CLK1: variants seen among roughly 807,000 people sequenced by gnomAD.
CLK1 encodes the protein CDC like kinase 1, also known as dual specificity protein kinase CLK1.
Under a neutral mutation model 60.9 loss-of-function variants are expected in CLK1, and 40 were observed. That is an observed-to-expected ratio of 0.66 (90% CI 0.51 to 0.86). The LOEUF is 0.86. Ranked by LOEUF, CLK1 falls within the 40% of genes least tolerant of loss-of-function variation. The pLI, the probability that CLK1 is intolerant of heterozygous loss-of-function variation, is 0.00. For synonymous variants in CLK1, 203 were observed against 184.4 expected (o/e 1.10, Z -0.82); for missense variants, 563 against 606.1 (o/e 0.93, Z 0.75).
At chr2:200,860,018 AAAAC>A in intron 4 of CLK1, 103 bp downstream of exon 4, 2 of 1,494,226 alleles carry the variant, frequency 1.3e-6, no homozygotes, top group Non-Finnish European at 1.8e-6. Context: ...AAATAAAACA[AAAAC>A]AAAAAAGAGA....
At chr2:200,862,923 T>G (rs1344096998) in intron 1 of CLK1, among the ~76,000 whole-genome samples, 2 of 151,520 alleles carry the variant, frequency 1.3e-5, no homozygotes, top group Non-Finnish European at 3.0e-5. Flanking sequence ...ACACCATCTT[T>G]CCAGTACCAC....
chr2:200,858,621 C>T (rs1234277977), intron 5 of CLK1, among the ~76,000 whole-genome samples: 1 of 151,978 alleles, frequency 6.6e-6, no homozygotes, highest in African/African-American at 2.4e-5. Context: ...TACTTGAACT[C>T]GGAAGGTGGA....
intron 9 of CLK1, among the ~76,000 whole-genome samples, chr2:200,856,232 A>C (rs538115656): frequency 6.6e-6 from 1 of 151,804 alleles, no homozygotes; most frequent in South Asian, 2.1e-4. Flanking sequence ...CACCACACCC[A>C]GCTAATTTTT....
intron 5 of CLK1, among the ~76,000 whole-genome samples, chr2:200,859,391 T>C (rs11903236): frequency 0.1 from 15,569 of 151,774 alleles, 897 homozygotes; most frequent in African/African-American, 0.14. Context: ...ACTAATATGG[T>C]GGGGGAAAAA....
Position 200,861,223 on chromosome 2 carries a change from TA to T in CLK1, c.390+14del, listed in dbSNP as rs773726404. On this transcript the variant is annotated intron_variant, in intron 3 of 12. Coordinates refer to ENST00000321356, the MANE Select transcript of CLK1 (RefSeq NM_004071.4). ...GGGATATAAAATTTCCAAAATGTTTTAAAAACGTTCATACCCCATGTGAACG... is the reference window on the plus strand; with the variant it reads ...GGGATATAAAATTTCCAAAATGTTTTAAAACGTTCATACCCCATGTGAACG... 2 of 1,605,888 alleles carry T rather than the reference TA, an allele frequency of 1.2e-6. No individual in the cohort carries two copies. The highest frequency in any genetic ancestry group is 1.7e-6 in the Non-Finnish European group (2 of 1,175,424).
chr2:200,858,106 T>C lies in CLK1; in HGVS notation c.549-17A>G. On this transcript the variant is annotated splice_polypyrimidine_tract_variant and intron_variant, in intron 5 of 12. Coordinates refer to ENST00000321356, the MANE Select transcript of CLK1 (RefSeq NM_004071.4). ...CTACCTCCCCTGTTAGAAAGATGCA[T>C]GCAAATTTAAGAATGACAGACATGA... 2 of 1,506,760 alleles carry C rather than the reference T, an allele frequency of 1.3e-6. No individual in the cohort carries two copies. The highest frequency in any genetic ancestry group is 2.3e-5 in the East Asian group (1 of 44,344). 93.3% of individuals were successfully genotyped at this position (1,506,760 alleles called of 1,614,324 possible). A position where few individuals can be genotyped will look rare whatever the true frequency, so the allele number is the denominator to read the frequency against.
chr2:200,864,092 T>C, intron 1 of CLK1: 1 of 1,547,468 alleles, frequency 6.5e-7, no homozygotes, highest in South Asian at 1.2e-5. Context: ...CGTCTCTTTC[T>C]CCACTTACTC....
chr2:200,860,000 A>G (rs2039109115), intron 4 of CLK1, 125 bp downstream of exon 4: 1 of 1,463,330 alleles, frequency 6.8e-7, no homozygotes. Flanking sequence ...CCACCAAAAG[A>G]AATGGAAAAA....
chr2:200,859,301 C>G (rs1428936142), intron 5 of CLK1, among the ~76,000 whole-genome samples: 2 of 152,118 alleles, frequency 1.3e-5, no homozygotes, highest in Non-Finnish European at 2.9e-5. Context: ...AATATAGATT[C>G]CTAGGTAACT....
intron 2 of CLK1, 24 bp from the exon 3 acceptor site, chr2:200,861,490 A>C: frequency 6.2e-7 from 1 of 1,609,534 alleles, no homozygotes; most frequent in Non-Finnish European, 8.5e-7. Context: ...AATTATTTTC[A>C]ATGTTTTATG....
intron 5 of CLK1, among the ~76,000 whole-genome samples, chr2:200,859,287 T>TA (rs1341274252): frequency 6.6e-6 from 1 of 152,110 alleles, no homozygotes; most frequent in Non-Finnish European, 1.5e-5. Context: ...CAGCACTTCC[T>TA]AAAAATATAG....
At position 200,857,997 on chromosome 2, in the gene CLK1, T is replaced by C. The variant is rs756774499; in HGVS notation, c.641A>G (p.Asn214Ser). ...CAAAGTACTGTTGGGGTCTGTTGTA[T>C]TCAGATGTTCCAGAACTTGTATTTC... ...RSEIQVLEHL[N>S]TTDPNSTFRC... The change falls in exon 6 of 13, where the codon AAT (asparagine) becomes AGT (serine). Residue 214 changes from asparagine to serine, a missense_variant. Transcript: ENST00000321356. 6.8e-6 allele frequency: 11 copies of C among 1,614,010 alleles called. No homozygotes were observed. The highest frequency in any genetic ancestry group is 1.3e-5 in the African/African-American group (1 of 75,060).
At chr2:200,853,866 C>T (rs757308974) in intron 12 of CLK1, 37 bp downstream of exon 12, 85 of 1,480,648 alleles carry the variant, frequency 5.7e-5, no homozygotes, top group Non-Finnish European at 7.4e-5. Context: ...AGAAGAAACT[C>T]AGTTTTGACT....
chr2:200,860,049 C>T (rs2039110599), intron 4 of CLK1, 76 bp downstream of exon 4: 2 of 1,529,722 alleles, frequency 1.3e-6, no homozygotes, highest in African/African-American at 1.4e-5. Flanking sequence ...AAAAGATTTC[C>T]AAATCCCTGA....
chr2:200,863,887 G>A (rs2039184794), intron 1 of CLK1, among the ~76,000 whole-genome samples: 1 of 152,162 alleles, frequency 6.6e-6, no homozygotes, highest in Non-Finnish European at 1.5e-5. Flanking sequence ...CCCAAGAGGA[G>A]TGGCTGAAAC....
intron 9 of CLK1, among the ~76,000 whole-genome samples, chr2:200,855,457 T>C (rs969227166): frequency 3.3e-5 from 5 of 152,000 alleles, no homozygotes; most frequent in African/African-American, 1.2e-4. Flanking sequence ...CCGTCTCTAC[T>C]AAAAATACAA....
chr2:200,862,822 C>T (rs1464079888), intron 1 of CLK1, among the ~76,000 whole-genome samples: 1 of 152,222 alleles, frequency 6.6e-6, no homozygotes, highest in African/African-American at 2.4e-5. Context: ...ATCATCATTA[C>T]AGAGCATTTC....
intron 7 of CLK1, chr2:200,857,203 G>A (rs1162166970): frequency 1.6e-5 from 8 of 514,722 alleles, no homozygotes; most frequent in African/African-American, 1.1e-4. Context: ...CTACTCGGGA[G>A]GCTGAGGCAG....
chr2:200,859,451 A>C (rs1409466615), intron 5 of CLK1, among the ~76,000 whole-genome samples: 1 of 152,208 alleles, frequency 6.6e-6, no homozygotes, highest in East Asian at 1.9e-4. Context: ...AATACTTTCA[A>C]AACAATATAA....
Sources: gnomAD v4.1 joint callset for allele counts (sites outside exome capture counted in the v4.1 genomes callset) on GRCh38, gnomAD v4.1.1 for gene constraint, MANE v1.5 for transcripts, NCBI Gene and HGNC (gene_info 2026-07-23, HGNC 2026-07-21) for gene names.